TBC1D19: variants seen among roughly 807,000 people sequenced by gnomAD.
TBC1D19 encodes TBC1 domain family member 19.
Under a neutral mutation model 89.0 loss-of-function variants are expected in TBC1D19, and 60 were observed. That is an observed-to-expected ratio of 0.67 (90% CI 0.55 to 0.84). The LOEUF (loss-of-function observed/expected upper bound fraction) is 0.84. TBC1D19 is among the 40% of genes least tolerant of loss of function. The pLI is 0.00. For missense variants in TBC1D19, 500 were observed against 610.8 expected (o/e 0.82, Z 1.91); for synonymous variants, 189 against 199.7 (o/e 0.95, Z 0.45).
intron 1 of TBC1D19, among the ~76,000 whole-genome samples, chr4:26,591,577 TGATA>T (rs1302990712): frequency 6.6e-5 from 10 of 151,816 alleles, no homozygotes; most frequent in African/African-American, 2.4e-4. Flanking sequence ...ACAACAAAAT[TGATA>T]GACCACTAGC....
At chr4:26,763,732 C>T in the TBC1D19 span, among the ~76,000 whole-genome samples, 1 of 152,212 alleles carries the variant, frequency 6.6e-6, no homozygotes, top group Non-Finnish European at 1.5e-5. Flanking sequence ...CTCAGATTTT[C>T]TGGGTCTACA....
chr4:26,824,654 A>G, the TBC1D19 span, among the ~76,000 whole-genome samples: 1 of 151,386 alleles, frequency 6.6e-6, no homozygotes, highest in Non-Finnish European at 1.5e-5. Flanking sequence ...CCTTCTTTTT[A>G]ACAGTGGGGT....
Position 26,659,762 on chromosome 4 carries a change from T to G in TBC1D19, c.591+55T>G, listed in dbSNP as rs1166910687. 1.8e-5 allele frequency: 22 copies of G among 1,189,712 alleles called. No homozygotes were observed. In the East Asian group the frequency reaches 5.1e-4, roughly 27 times the overall value. The allele number at this position is 1,189,712 out of a possible 1,614,324, so 73.7% of individuals were successfully genotyped here. A position where few individuals can be genotyped will look rare whatever the true frequency, so the allele number is the denominator to read the frequency against. ...ATTTAGAAGATAACCATTAGAAAAATGTTTTAATACAGCATGTATGTAAAG... is the reference window on the plus strand; with the variant it reads ...ATTTAGAAGATAACCATTAGAAAAAGGTTTTAATACAGCATGTATGTAAAG... On this transcript the variant is annotated intron_variant, in intron 8 of 20. Coordinates refer to ENST00000264866, the MANE Select transcript of TBC1D19 (RefSeq NM_018317.4).
intron 12 of TBC1D19, among the ~76,000 whole-genome samples, chr4:26,687,811 G>A (rs1683327884): frequency 6.6e-6 from 1 of 152,008 alleles, no homozygotes; most frequent in East Asian, 1.9e-4. Context: ...ATTTAAAGAA[G>A]GAAACTAATA....
the TBC1D19 span, among the ~76,000 whole-genome samples, chr4:26,804,918 A>T: frequency 6.6e-6 from 1 of 152,228 alleles, no homozygotes; most frequent in South Asian, 2.1e-4. Flanking sequence ...ACCGAGACTC[A>T]GGAGCAAGCG....
At chr4:26,775,672 A>G in the TBC1D19 span, among the ~76,000 whole-genome samples, 5 of 152,134 alleles carry the variant, frequency 3.3e-5, no homozygotes, top group African/African-American at 9.7e-5. Context: ...CTCCAGAACT[A>G]TAACTTTCTG....
chr4:26,700,402 A>C (rs1184088963), intron 13 of TBC1D19, among the ~76,000 whole-genome samples: 1 of 151,992 alleles, frequency 6.6e-6, no homozygotes, highest in Non-Finnish European at 1.5e-5. Context: ...TTTTTCTTTT[A>C]TTTAACTCAC....
intron 7 of TBC1D19, among the ~76,000 whole-genome samples, chr4:26,655,199 C>T (rs1398483302): frequency 1.3e-5 from 2 of 152,192 alleles, no homozygotes; most frequent in African/African-American, 4.8e-5. Flanking sequence ...TATTGGTGAA[C>T]AGCAAAGGTT....
chr4:26,688,651 G>A (rs1714022489), intron 13 of TBC1D19, among the ~76,000 whole-genome samples: 1 of 152,034 alleles, frequency 6.6e-6, no homozygotes, highest in African/African-American at 2.4e-5. Flanking sequence ...TTATTGGCAG[G>A]TAAGTTTTCT....
intron 4 of TBC1D19, among the ~76,000 whole-genome samples, chr4:26,631,164 G>T (rs1451121834): frequency 6.6e-6 from 1 of 152,024 alleles, no homozygotes; most frequent in Non-Finnish European, 1.5e-5. Context: ...AGCAACTGGG[G>T]TCACTTTTCT....
At chr4:26,704,777 G>A (rs2109223584) in intron 13 of TBC1D19, among the ~76,000 whole-genome samples, 1 of 152,126 alleles carries the variant, frequency 6.6e-6, no homozygotes, top group Admixed American at 6.5e-5. Flanking sequence ...CTTAGTGATG[G>A]CTTCAGAATA....
chr4:26,644,554 T>G (rs1334440529), intron 7 of TBC1D19, among the ~76,000 whole-genome samples: 1 of 152,156 alleles, frequency 6.6e-6, no homozygotes, highest in Admixed American at 6.6e-5. Context: ...TTCAACATAG[T>G]GTTGGAAGTT....
chr4:26,666,163 T>G (rs1306818669), intron 8 of TBC1D19, among the ~76,000 whole-genome samples, 170 bp from the exon 9 acceptor site: 1 of 152,044 alleles, frequency 6.6e-6, no homozygotes, highest in African/African-American at 2.4e-5. Context: ...ACTAATGCCT[T>G]ATTATTTAGA....
intron 3 of TBC1D19, among the ~76,000 whole-genome samples, chr4:26,614,850 G>A (rs1741584044): frequency 6.6e-6 from 1 of 151,940 alleles, no homozygotes; most frequent in South Asian, 2.1e-4. Context: ...GCTAATTTTT[G>A]TATTTTTAGT....
At chr4:26,819,819 A>G in the TBC1D19 span, among the ~76,000 whole-genome samples, 18 of 152,200 alleles carry the variant, frequency 1.2e-4, no homozygotes, top group South Asian at 3.5e-3. Flanking sequence ...CCCATCTACA[A>G]CTGCCCTTGC....
intron 9 of TBC1D19, among the ~76,000 whole-genome samples, chr4:26,667,351 C>G (rs1178748216): frequency 6.6e-6 from 1 of 152,012 alleles, no homozygotes; most frequent in Non-Finnish European, 1.5e-5. Context: ...TCCTCCTACC[C>G]TCTTTCAATC....
chr4:26,623,937 AT>A (rs1418639819), intron 4 of TBC1D19, among the ~76,000 whole-genome samples: 1 of 152,132 alleles, frequency 6.6e-6, no homozygotes, highest in East Asian at 1.9e-4. Flanking sequence ...ATTAACTTTA[AT>A]TATAAGCAGA....
the TBC1D19 span, among the ~76,000 whole-genome samples, chr4:26,832,919 A>C: frequency 6.6e-6 from 1 of 152,176 alleles, no homozygotes; most frequent in Non-Finnish European, 1.5e-5. Flanking sequence ...GCTTGAGTCC[A>C]GGAGGTGGAG....
chr4:26,722,861 TGAGG>T (rs1320983478), intron 15 of TBC1D19, among the ~76,000 whole-genome samples: 2 of 152,148 alleles, frequency 1.3e-5, no homozygotes, highest in East Asian at 3.9e-4. Flanking sequence ...ATAAAGAAAC[TGAGG>T]CATAGAGTGT....
Sources: gnomAD v4.1 joint callset for allele counts (sites outside exome capture counted in the v4.1 genomes callset) on GRCh38, gnomAD v4.1.1 for gene constraint, MANE v1.5 for transcripts, NCBI Gene and HGNC (gene_info 2026-07-23, HGNC 2026-07-21) for gene names.